Variants in ZSWIM7 observed in about 807,000 individuals in gnomAD.
ZSWIM7 encodes the protein zinc finger SWIM domain-containing protein 7.
ZSWIM7 carries 22 observed loss-of-function variants against 21.1 expected under a neutral mutation model. The ratio of observed to expected loss-of-function variants is 1.04; its 90% CI spans 0.74 to 1.49. ZSWIM7 has a LOEUF of 1.49. ZSWIM7 is among the 40% of genes most tolerant of loss of function. The pLI is 0.00. For synonymous variants in ZSWIM7, 67 were observed against 66.5 expected (o/e 1.01, Z -0.04); for missense variants, 193 against 168.0 (o/e 1.15, Z -0.82).
At chr17:15,981,754 A>G (rs939719217) in intron 3 of ZSWIM7, among the ~76,000 whole-genome samples, 1 of 152,112 alleles carries the variant, frequency 6.6e-6, no homozygotes, top group African/African-American at 2.4e-5. Context: ...TCTATAGAAA[A>G]AAAAATTTTT....
rs187213840 is a variant in ZSWIM7, at chr17:15,990,662, G to A, written c.98+3095C>T. 7.7e-3 allele frequency among the ~76,000 whole-genome samples: 1,179 copies of A among 152,184 alleles called. 6 individuals are homozygous for A. The highest frequency in any genetic ancestry group is 0.013 in the South Asian group (63 of 4,830). On this transcript the variant is annotated intron_variant, in intron 2 of 4. Transcript: ENST00000399277. ...ACACAGAGTAAGACAAACCTAGTAAGGCTTCAAAATTAAAATGTTCAACTT... is the reference window on the plus strand; with the variant it reads ...ACACAGAGTAAGACAAACCTAGTAAAGCTTCAAAATTAAAATGTTCAACTT...
rs1461518955 is a variant in ZSWIM7 at position 15,987,289 on chromosome 17, G to A, written c.178C>T (p.Pro60Ser). Residue 60 changes from proline (P) to serine (S), a missense_variant, in exon 3 of 5, where the codon CCC becomes TCC. Pro to Ser is a moderately conservative substitution (Grantham distance 74). Transcript: ENST00000399277. Reference sequence around the variant, plus strand: ...ACCTGGTAAACACGCCTTCCACTGGGTGATGAGATTAAGGTGATGGACTGT... The same window carrying A: ...ACCTGGTAAACACGCCTTCCACTGGATGATGAGATTAAGGTGATGGACTGT... ...DRQSITLISS[P>S]SGRRVYQVLG... The A allele has an allele frequency of 1.2e-6, 2 of 1,613,224 alleles. No homozygotes were observed. The highest frequency in any genetic ancestry group is 1.7e-6 in the Non-Finnish European group (2 of 1,179,660).
In ZSWIM7 at chr17:15,977,998, T is replaced by C. The variant is rs928956045; in HGVS notation, c.*49A>G. 6.9e-7 allele frequency: 1 copy of C among 1,450,936 alleles called. No individual in the cohort carries two copies. Among genetic ancestry groups the C allele is most frequent in the African/African-American group, 1.4e-5 (1 of 71,802 alleles). The allele number at this position is 1,450,936 out of a possible 1,614,324, so 89.9% of individuals were successfully genotyped here. A position where few individuals can be genotyped will look rare whatever the true frequency, so the allele number is the denominator to read the frequency against. On this transcript the variant is annotated 3_prime_UTR_variant, in exon 5 of 5. Coordinates refer to ENST00000399277, the MANE Select transcript of ZSWIM7 (RefSeq NM_001042697.2). ...TGTGAATCATGACGCTTTCAATGCA[T>C]TTCTTGACAGGATTCTATTTTGAAA...
chr17:15,994,435 T>C (rs1245452710), intron 1 of ZSWIM7, among the ~76,000 whole-genome samples: 1 of 151,808 alleles, frequency 6.6e-6, no homozygotes. Flanking sequence ...AATCCACCTC[T>C]CCCCTTCCCC....
chr17:15,985,629 G>A (rs1283438688), intron 3 of ZSWIM7, among the ~76,000 whole-genome samples: 2 of 152,206 alleles, frequency 1.3e-5, no homozygotes, highest in Non-Finnish European at 2.9e-5. Context: ...TTGGAAGTTA[G>A]TATTTTATAA....
chr17:15,999,467 G>C, intron 1 of ZSWIM7, 52 bp downstream of exon 1: 1 of 1,583,360 alleles, frequency 6.3e-7, no homozygotes. Flanking sequence ...GGCGGTGCCC[G>C]GATGCCCCGC....
intron 2 of ZSWIM7, chr17:15,990,927 G>A (rs1045974094): frequency 6.6e-6 from 1 of 152,092 alleles, no homozygotes; most frequent in Admixed American, 6.5e-5. Context: ...CACCTTGGGA[G>A]GCCAAGGCAG....
chr17:15,992,544 A>G (rs1597441669), intron 2 of ZSWIM7, among the ~76,000 whole-genome samples: 1 of 151,370 alleles, frequency 6.6e-6, no homozygotes, highest in Non-Finnish European at 1.5e-5. Flanking sequence ...GGTTCAAGCA[A>G]TTCTCCTGAC....
intron 3 of ZSWIM7, among the ~76,000 whole-genome samples, chr17:15,982,012 C>T (rs1009832076): frequency 6.6e-5 from 10 of 152,062 alleles, no homozygotes; most frequent in South Asian, 4.1e-4. Context: ...AAGACCCTTG[C>T]GAAAGGAATG....
At chr17:15,978,472 C>T (rs1002053028) in intron 4 of ZSWIM7, among the ~76,000 whole-genome samples, 1 of 152,188 alleles carries the variant, frequency 6.6e-6, no homozygotes, top group African/African-American at 2.4e-5. Flanking sequence ...GCGGTACATG[C>T]CTGTAATTCC....
chr17:15,997,757 G>A (rs1053497670), intron 1 of ZSWIM7, among the ~76,000 whole-genome samples: 1 of 152,160 alleles, frequency 6.6e-6, no homozygotes, highest in Non-Finnish European at 1.5e-5. Flanking sequence ...CAATGATTAT[G>A]CCCCCTTCAG....
chr17:15,992,825 A>T (rs189899628), intron 2 of ZSWIM7, among the ~76,000 whole-genome samples: 6 of 152,300 alleles, frequency 3.9e-5, no homozygotes, highest in African/African-American at 1.4e-4. Flanking sequence ...ATTGAGACAA[A>T]TTTTTAAGAA....
At position 15,999,560 on chromosome 17, in the gene ZSWIM7, A is replaced by G. The variant is rs1970642803; in HGVS notation, c.35T>C (p.Leu12Pro). Reference sequence around the variant, plus strand: ...CACCGCCGCCGCCATCTCGCTCAGGAGCTCCTCCACAACCGCCGGCAACAC... The same window carrying G: ...CACCGCCGCCGCCATCTCGCTCAGGGGCTCCTCCACAACCGCCGGCAACAC... ...AVVLPAVVEE[L>P]LSEMAAAVQE... Residue 12 changes from leucine (L) to proline (P), a missense_variant, in exon 1 of 5, where the codon CTC becomes CCC. Physicochemically the swap from Leu to Pro is moderately conservative, Grantham distance 98. Transcript: ENST00000399277. 1.9e-6 allele frequency: 3 copies of G among 1,592,552 alleles called. No homozygotes were observed. Among genetic ancestry groups the G allele is most frequent in the Non-Finnish European group, 2.6e-6 (3 of 1,169,744 alleles).
chr17:15,978,088 A>T lies in ZSWIM7; in HGVS notation c.382T>A (p.Leu128Met), dbSNP rs758524225. The T allele has an allele frequency of 3.7e-6, 6 of 1,614,170 alleles. No individual in the cohort carries two copies. The South Asian group carries it at 6.6e-5, about 18-fold the overall frequency. Residue 128 changes from leucine to methionine, a missense_variant, in exon 5 of 5, where the codon TTG becomes ATG. Transcript: ENST00000399277. ...TTCTCCATCAATAATATGTCAGTCA[A>T]CTGCTTGTCAGAGACACTTAGCTGC... is the stretch of plus-strand genomic sequence containing the variant. Reference protein sequence around the residue: ...CQQLSVSDKQLTDILLMEKKQ... With the variant: ...CQQLSVSDKQMTDILLMEKKQ...
At chr17:15,987,584 T>C (rs1166708877) in intron 2 of ZSWIM7, among the ~76,000 whole-genome samples, 1 of 151,934 alleles carries the variant, frequency 6.6e-6, no homozygotes, top group African/African-American at 2.4e-5. Flanking sequence ...TATGTATATA[T>C]GTGTGTGTGT....
chr17:15,987,905 T>C (rs9899995), intron 2 of ZSWIM7, among the ~76,000 whole-genome samples: 93,774 of 152,000 alleles, frequency 0.62, 29,870 homozygotes, highest in African/African-American at 0.77. Context: ...CCACTGCGCC[T>C]GGCCTGTATT....
chr17:15,979,377 C>G (rs1480495039), intron 4 of ZSWIM7, among the ~76,000 whole-genome samples: 1 of 152,208 alleles, frequency 6.6e-6, no homozygotes, highest in African/African-American at 2.4e-5. Context: ...GAAAGTCTCC[C>G]ATGTCTACTT....
Position 15,978,175 on chromosome 17 carries a change from AAC to A in ZSWIM7, c.307-14_307-13del, listed in dbSNP as rs747903748. The stretch of plus-strand genomic sequence containing the variant: ...AAGAGATGCTTGCACTGGAATATAA[AAC>A]ACACACACCTATTAGAAACAGGCAG... On this transcript the variant is annotated splice_polypyrimidine_tract_variant and intron_variant, in intron 4 of 4. Transcript: ENST00000399277. 1.2e-5 allele frequency: 19 copies of A among 1,599,746 alleles called. No individual in the cohort carries two copies. The African/African-American group carries it at 2.1e-4, about 18-fold the overall frequency.
intron 2 of ZSWIM7, among the ~76,000 whole-genome samples, chr17:15,989,224 G>C (rs1444056854): frequency 1.3e-5 from 2 of 152,054 alleles, no homozygotes; most frequent in Admixed American, 6.6e-5. Flanking sequence ...TATAATATTA[G>C]GTGAGAAAGG....
Sources: gnomAD v4.1 joint callset for allele counts (sites outside exome capture counted in the v4.1 genomes callset) on GRCh38, gnomAD v4.1.1 for gene constraint, MANE v1.5 for transcripts, NCBI Gene and HGNC (gene_info 2026-07-23, HGNC 2026-07-21) for gene names.